The following GPC1 variants were observed in gnomAD, a reference collection of about 807,000 sequenced individuals.
GPC1 encodes glypican-1.
In GPC1, 26 loss-of-function variants were observed where a neutral mutation model predicts 51.5. The observed-to-expected ratio is 0.50, with a 90% CI of 0.37 to 0.70. The LOEUF (loss-of-function observed/expected upper bound fraction) is 0.70. Ranked by LOEUF, GPC1 falls within the 30% of genes least tolerant of loss-of-function variation. GPC1 has a pLI of 0.00. For synonymous variants in GPC1, 380 were observed against 348.3 expected (o/e 1.09, Z -1.01); for missense variants, 775 against 800.5 (o/e 0.97, Z 0.38).
At chr2:240,445,492 G>A (rs1286598108) in intron 1 of GPC1, among the ~76,000 whole-genome samples, 3 of 152,084 alleles carry the variant, frequency 2.0e-5, no homozygotes, top group South Asian at 2.1e-4. Flanking sequence ...GCAGAACCAC[G>A]CCAGGGGAAG....
intron 1 of GPC1, among the ~76,000 whole-genome samples, chr2:240,456,240 G>T (rs886513030): frequency 6.6e-5 from 10 of 152,138 alleles, no homozygotes; most frequent in Admixed American, 5.9e-4. Context: ...ACCTGCAGGT[G>T]GGGGGAGCTC....
intron 1 of GPC1, chr2:240,452,911 C>T: frequency 3.5e-6 from 1 of 282,172 alleles, no homozygotes. Context: ...TGGCTTTTCG[C>T]CTCCTGCGAG....
rs1200368312 is a variant in GPC1, at chr2:240,465,299, C to T, written c.1268+89C>T. ...GCCAGGTGCTGTCTGCACGGGGCCA[C>T]GTCCCTTGCTGGAGGGCTTGAGCCC... On this transcript the variant is annotated intron_variant, in intron 7 of 8. Transcript: ENST00000264039. 12 of 1,431,748 alleles carry T rather than the reference C, an allele frequency of 8.4e-6. No homozygotes were observed. The East Asian group carries it at 9.5e-5, about 11-fold the overall frequency. The allele number at this position is 1,431,748 out of a possible 1,614,324, so 88.7% of individuals were successfully genotyped here. A position where few individuals can be genotyped will look rare whatever the true frequency, so the allele number is the denominator to read the frequency against.
At chr2:240,439,375 G>C (rs1444776598) in intron 1 of GPC1, among the ~76,000 whole-genome samples, 1 of 152,082 alleles carries the variant, frequency 6.6e-6, no homozygotes, top group Non-Finnish European at 1.5e-5. Context: ...GGCAGAGGAG[G>C]GGCCCTAAGG....
chr2:240,453,080 A>G (rs1218499245), intron 1 of GPC1: 1 of 303,232 alleles, frequency 3.3e-6, no homozygotes, highest in Admixed American at 5.0e-5. Flanking sequence ...CCGCAGCGCC[A>G]CCGTACCCGC....
intron 3 of GPC1, 32 bp from the exon 4 acceptor site, chr2:240,463,315 C>T (rs374623587): frequency 1.0e-4 from 164 of 1,604,088 alleles, no homozygotes; most frequent in African/African-American, 1.0e-3. Context: ...CCCAGGGCCT[C>T]GGGGCCTGGC....
chr2:240,465,726 T>C, intron 8 of GPC1, 78 bp downstream of exon 8: 2 of 1,250,438 alleles, frequency 1.6e-6, no homozygotes, highest in South Asian at 1.3e-5. Context: ...GCCCTCCGGG[T>C]TCCCCCACCC....
At chr2:240,456,496 G>C (rs1030492886) in intron 1 of GPC1, 1 of 424,020 alleles carries the variant, frequency 2.4e-6, no homozygotes, top group African/African-American at 2.0e-5. Flanking sequence ...TCACAGCTGA[G>C]CCCATCTCAG....
intron 1 of GPC1, among the ~76,000 whole-genome samples, chr2:240,443,437 G>A (rs2074030736): frequency 6.6e-6 from 1 of 152,216 alleles, no homozygotes; most frequent in South Asian, 2.1e-4. Context: ...CTGCTCTCTT[G>A]TGCTGAGTGC....
At chr2:240,446,257 G>T (rs115165383) in intron 1 of GPC1, among the ~76,000 whole-genome samples, 1 of 152,136 alleles carries the variant, frequency 6.6e-6, no homozygotes, top group Non-Finnish European at 1.5e-5. Context: ...CCTGCCGTGC[G>T]AGTGAGAGGG....
chr2:240,454,728 G>A (rs567439958), intron 1 of GPC1: 31 of 153,554 alleles, frequency 2.0e-4, no homozygotes, highest in Middle Eastern at 3.3e-3. Flanking sequence ...GGTGGATAAA[G>A]CCGGCTTTAC....
At chr2:240,456,681 G>A in intron 1 of GPC1, 1 of 464,678 alleles carries the variant, frequency 2.2e-6, no homozygotes, top group Non-Finnish European at 4.5e-6. Flanking sequence ...CACACCCTCG[G>A]AGAGACGCCT....
At chr2:240,450,487 G>A in intron 1 of GPC1, 1 of 426,028 alleles carries the variant, frequency 2.3e-6, no homozygotes, top group South Asian at 1.7e-5. Context: ...TGTCAGCTAT[G>A]TCAGCGGGAC....
intron 1 of GPC1, chr2:240,453,031 G>A (rs780859096): frequency 2.0e-5 from 7 of 344,296 alleles, no homozygotes; most frequent in South Asian, 8.0e-5. Flanking sequence ...GGGGTCCCGC[G>A]TCCGCCGCCG....
At chr2:240,457,363 C>A in intron 1 of GPC1, 6 of 448,076 alleles carry the variant, frequency 1.3e-5, no homozygotes, top group South Asian at 9.4e-5. Flanking sequence ...AGCCCGGATT[C>A]GGGTTCTCTG....
intron 1 of GPC1, among the ~76,000 whole-genome samples, chr2:240,443,941 C>G (rs1160873460): frequency 1.3e-5 from 2 of 152,234 alleles, no homozygotes; most frequent in Non-Finnish European, 2.9e-5. Flanking sequence ...CACTTGCTTG[C>G]CGAGTGACTC....
chr2:240,456,261 C>A (rs996186987), intron 1 of GPC1, among the ~76,000 whole-genome samples: 11 of 152,058 alleles, frequency 7.2e-5, no homozygotes, highest in African/African-American at 2.7e-4. Flanking sequence ...CCATATCTTA[C>A]GGGTGTTTCG....
At chr2:240,464,999 T>C (rs1213254679) in intron 6 of GPC1, 24 bp downstream of exon 6, 7 of 1,566,542 alleles carry the variant, frequency 4.5e-6, no homozygotes, top group Non-Finnish European at 6.1e-6. Context: ...GCGTGTCCAC[T>C]GGACCAGGCA....
chr2:240,464,565 CTGTGTGCGCGCGTTAACGCCTG>C, intron 4 of GPC1, 29 bp from the exon 5 acceptor site: 1 of 294,344 alleles, frequency 3.4e-6, no homozygotes. Flanking sequence ...GTGTCAACGC[CTGTGTGCGCGCGTTAACGCCTG>C]TGTGTCCGCG....
Sources: allele counts gnomAD v4.1 joint callset (sites outside exome capture counted in the v4.1 genomes callset), GRCh38; gene constraint gnomAD v4.1.1; transcripts MANE v1.5; gene names NCBI Gene and HGNC (gene_info 2026-07-23, HGNC 2026-07-21).